TRERF1: variants seen among roughly 807,000 people sequenced by gnomAD.
TRERF1 encodes transcriptional-regulating factor 1.
Under a neutral mutation model 122.9 loss-of-function variants are expected in TRERF1, and 27 were observed. The observed-to-expected ratio is 0.22, with a 90% CI of 0.16 to 0.30. The LOEUF (loss-of-function observed/expected upper bound fraction) is 0.30. Ranked by LOEUF, TRERF1 falls within the 10% of genes least tolerant of loss-of-function variation. The pLI is 1.00. For synonymous variants in TRERF1, 636 were observed against 641.7 expected (o/e 0.99, Z 0.13); for missense variants, 1,248 against 1,560.3 (o/e 0.80, Z 3.37).
chr6:42,384,935 G>C (rs1776543402), intron 2 of TRERF1, among the ~76,000 whole-genome samples: 1 of 151,552 alleles, frequency 6.6e-6, no homozygotes, highest in Non-Finnish European at 1.5e-5. Flanking sequence ...TTCTTGAGTA[G>C]CTGGGACTAC....
chr6:42,284,307 C>A (rs1312761759), intron 4 of TRERF1, among the ~76,000 whole-genome samples: 1 of 150,692 alleles, frequency 6.6e-6, no homozygotes, highest in Non-Finnish European at 1.5e-5. Flanking sequence ...CTCAAGCAAT[C>A]CTCATGCCTT....
At chr6:42,326,130 T>C (rs1388726918) in intron 3 of TRERF1, among the ~76,000 whole-genome samples, 1 of 152,088 alleles carries the variant, frequency 6.6e-6, no homozygotes, top group Non-Finnish European at 1.5e-5. Flanking sequence ...CACTATACCC[T>C]TGTAACAAAC....
At chr6:42,265,919 C>T (rs1779077586) in intron 5 of TRERF1, 122 bp from the exon 6 acceptor site, 18 of 984,346 alleles carry the variant, frequency 1.8e-5, no homozygotes, top group South Asian at 1.7e-4. Flanking sequence ...CTGTCTGCTT[C>T]GTGCTGACCC....
chr6:42,262,554 A>C lies in TRERF1; in HGVS notation c.1884+766T>G, dbSNP rs1472395726. ...GAGAGAGAGAGAGAGAGAGAGAGAG[A>C]GAGAGAGAGAGAGAGAGAGAGAGAG... On this transcript the variant is annotated intron_variant, in intron 8 of 17. Transcript: ENST00000372922. 4.9e-4 allele frequency among the ~76,000 whole-genome samples: 62 copies of C among 126,548 alleles called. 5 individuals carry two copies. Among genetic ancestry groups the C allele is most frequent in the African/African-American group, 1.9e-3 (61 of 32,872 alleles). 83.0% of individuals were successfully genotyped at this position (126,548 alleles called of 152,430 possible). A position where few individuals can be genotyped will look rare whatever the true frequency, so the allele number is the denominator to read the frequency against.
intron 2 of TRERF1, among the ~76,000 whole-genome samples, chr6:42,416,705 C>T (rs753310365): frequency 1.6e-4 from 24 of 152,040 alleles, no homozygotes; most frequent in Admixed American, 1.3e-4. Context: ...AGAATTTAAG[C>T]GCTCTTTCTC....
intron 3 of TRERF1, among the ~76,000 whole-genome samples, chr6:42,305,303 T>C (rs1346397725): frequency 3.3e-5 from 5 of 152,150 alleles, no homozygotes; most frequent in African/African-American, 7.2e-5. Context: ...TTGTGTGACT[T>C]TCCAAGGACC....
chr6:42,328,126 G>C (rs1764625254), intron 3 of TRERF1, among the ~76,000 whole-genome samples: 1 of 150,210 alleles, frequency 6.7e-6, no homozygotes. Context: ...ATGTGCCTCA[G>C]CCTCCTGAGT....
chr6:42,447,765 C>G (rs914047868), intron 2 of TRERF1, among the ~76,000 whole-genome samples: 4 of 152,124 alleles, frequency 2.6e-5, no homozygotes, highest in African/African-American at 9.7e-5. Flanking sequence ...AGTGCAATGG[C>G]ATGATCTCGG....
chr6:42,449,352 T>A (rs1003760599), intron 2 of TRERF1, among the ~76,000 whole-genome samples: 1 of 152,074 alleles, frequency 6.6e-6, no homozygotes, highest in Non-Finnish European at 1.5e-5. Context: ...TCACTCCGGG[T>A]ATCAATTCCT....
At chr6:42,309,462 CTCTTTCAGGCAGCAGGAA>C (rs1787850268) in intron 3 of TRERF1, among the ~76,000 whole-genome samples, 1 of 152,192 alleles carries the variant, frequency 6.6e-6, no homozygotes, top group Non-Finnish European at 1.5e-5. Flanking sequence ...CTTCAACAAG[CTCTTTCAGGCAGCAGGAA>C]TCTCATCTCT....
At chr6:42,368,484 C>T (rs1025603535) in intron 2 of TRERF1, among the ~76,000 whole-genome samples, 11 of 152,094 alleles carry the variant, frequency 7.2e-5, no homozygotes, top group African/African-American at 2.7e-4. Context: ...CAGCAAGCAC[C>T]AAGACTCTAA....
At chr6:42,365,627 T>A (rs1014986305) in intron 2 of TRERF1, among the ~76,000 whole-genome samples, 1 of 152,172 alleles carries the variant, frequency 6.6e-6, no homozygotes, top group Admixed American at 6.5e-5. Flanking sequence ...TATCTATAGA[T>A]GACAAAACAG....
In TRERF1 at chr6:42,238,867, AC is replaced by A. The variant is rs1159783271; in HGVS notation, c.2860-2457del. Among the ~76,000 whole-genome samples the A allele has an allele frequency of 1.9e-3, 281 of 148,868 alleles. 3 individuals carry two copies. Among genetic ancestry groups the A allele is most frequent in the African/African-American group, 2.9e-3 (115 of 39,004 alleles). The stretch of plus-strand genomic sequence containing the variant: ...CACACACACACACACACACACACAC[AC>A]ACAATTTCTAGTTCTCATAACACTG... On this transcript the variant is annotated intron_variant, in intron 15 of 17. Transcript: ENST00000372922.
intron 2 of TRERF1, among the ~76,000 whole-genome samples, chr6:42,414,438 G>A (rs191032204): frequency 1.1e-4 from 16 of 152,222 alleles, no homozygotes; most frequent in African/African-American, 3.9e-4. Context: ...ACATGATATC[G>A]TTTTGTGCGT....
At chr6:42,416,466 C>T (rs1237203524) in intron 2 of TRERF1, among the ~76,000 whole-genome samples, 1 of 152,144 alleles carries the variant, frequency 6.6e-6, no homozygotes, top group African/African-American at 2.4e-5. Context: ...TTATTTTCTC[C>T]TTAGATCCTT....
intron 2 of TRERF1, among the ~76,000 whole-genome samples, chr6:42,416,239 C>T (rs555586978): frequency 6.6e-6 from 1 of 152,176 alleles, no homozygotes; most frequent in South Asian, 2.1e-4. Context: ...TCTAATTACA[C>T]CAGCTTATCC....
intron 2 of TRERF1, among the ~76,000 whole-genome samples, chr6:42,434,232 A>G (rs1210652704): frequency 6.6e-6 from 1 of 152,218 alleles, no homozygotes; most frequent in Admixed American, 6.5e-5. Context: ...GGAGAGGATT[A>G]AACAGCAAAA....
chr6:42,253,659 A>T (rs567154174), intron 13 of TRERF1, among the ~76,000 whole-genome samples: 2 of 152,322 alleles, frequency 1.3e-5, no homozygotes, highest in Admixed American at 6.5e-5. Flanking sequence ...AGTGACCTAC[A>T]GGCAGACATC....
chr6:42,395,854 A>G lies in TRERF1; in HGVS notation c.-453-32775T>C, dbSNP rs73430852. On this transcript the variant is annotated intron_variant, in intron 2 of 17. Transcript: ENST00000372922. ...ACAACTCAAGGAGAAGCACGGCCTTAACAAATGCGTAGCTCACATCTCTGT... is the reference window on the plus strand; with the variant it reads ...ACAACTCAAGGAGAAGCACGGCCTTGACAAATGCGTAGCTCACATCTCTGT... Among the ~76,000 whole-genome samples, 1,322 of 152,070 alleles carry G rather than the reference A, an allele frequency of 8.7e-3. 22 individuals are homozygous for G. Among genetic ancestry groups the G allele is most frequent in the African/African-American group, 0.03 (1,255 of 41,486 alleles).
Sources: gnomAD v4.1 joint callset for allele counts (sites outside exome capture counted in the v4.1 genomes callset) on GRCh38, gnomAD v4.1.1 for gene constraint, MANE v1.5 for transcripts, NCBI Gene and HGNC (gene_info 2026-07-23, HGNC 2026-07-21) for gene names.